The following DMTF1 variants were observed in gnomAD, a reference collection of about 807,000 sequenced individuals.
DMTF1 encodes the protein cyclin-D-binding Myb-like transcription factor 1.
DMTF1 carries 39 observed loss-of-function variants against 91.1 expected under a neutral mutation model. The ratio of observed to expected loss-of-function variants is 0.43; its 90% CI spans 0.33 to 0.56. The LOEUF (loss-of-function observed/expected upper bound fraction) is 0.56, where lower values mean the gene tolerates loss of function less well. Ranked by LOEUF, DMTF1 falls within the 20% of genes least tolerant of loss-of-function variation. The probability of loss-of-function intolerance (pLI) is 0.05; values close to 1 mark genes in which losing one functional copy is unlikely to be tolerated. For synonymous variants in DMTF1, 338 were observed against 309.5 expected (o/e 1.09, Z -0.97); for missense variants, 750 against 914.5 (o/e 0.82, Z 2.32).
rs1210572269 is a variant in DMTF1, at chr7:87,184,429, G to T, written c.853G>T (p.Ala285Ser). 6.2e-7 allele frequency: 1 copy of T among 1,613,798 alleles called. No homozygotes were observed. Among genetic ancestry groups the T allele is most frequent in the African/African-American group, 1.3e-5 (1 of 74,924 alleles). The change falls in exon 11 of 18, where the codon GCA becomes TCA. Residue 285 changes from alanine (A) to serine (S), a missense_variant. Coordinates refer to ENST00000331242, the MANE Select transcript of DMTF1 (RefSeq NM_001142327.2). ...GACAGAAGAAGAAGAAAAGAGACTT[G>T]CAGAAGTGGTTCATGAGTTGACAAG... ...KWTEEEEKRL[A>S]EVVHELTSTE... is the part of the protein sequence containing the mutation.
chr7:87,187,798 C>A, intron 12 of DMTF1: 1 of 390,798 alleles, frequency 2.6e-6, no homozygotes. Context: ...TCAAGACACC[C>A]TAGAATAGAA....
chr7:87,183,471 A>T (rs1486397174), intron 10 of DMTF1, among the ~76,000 whole-genome samples: 3 of 152,350 alleles, frequency 2.0e-5, no homozygotes, highest in South Asian at 2.1e-4. Flanking sequence ...AGGCCATGCC[A>T]TGAAACAGCA....
chr7:87,177,923 A>T (rs912294918), intron 7 of DMTF1, among the ~76,000 whole-genome samples: 2 of 152,080 alleles, frequency 1.3e-5, no homozygotes, highest in Admixed American at 1.3e-4. Flanking sequence ...AAATCCCAAT[A>T]TCTGATGGGG....
intron 14 of DMTF1, chr7:87,192,885 G>T (rs772717930): frequency 4.5e-6 from 1 of 222,920 alleles, no homozygotes; most frequent in Non-Finnish European, 8.9e-6. Flanking sequence ...GTTTTTACGT[G>T]CTACAAAGAA....
chr7:87,193,932 A>G lies in DMTF1; in HGVS notation c.1858A>G (p.Lys620Glu). The G allele has an allele frequency of 6.2e-7, 1 of 1,613,410 alleles. No homozygotes were observed. ...DTFPDEIHHP[K>E]MTVEPSFNDA... ...TTTCCCAGATGAAATTCATCACCCTAAGATGACTGTGGAGCCATCATTTAA... is the reference window on the plus strand; with the variant it reads ...TTTCCCAGATGAAATTCATCACCCTGAGATGACTGTGGAGCCATCATTTAA... Residue 620 changes from lysine to glutamate, a missense_variant, in exon 16 of 18, where the codon AAG (lysine) becomes GAG (glutamate). Around this residue, in one of 3 missense-constraint regions of DMTF1, gnomAD observed 410 missense variants for 420.2 expected, o/e 0.98. Transcript: ENST00000331242.
At chr7:87,160,320 G>C (rs958520984) in intron 1 of DMTF1, among the ~76,000 whole-genome samples, 3 of 150,924 alleles carry the variant, frequency 2.0e-5, no homozygotes, top group Admixed American at 1.3e-4. Context: ...CGTCCTCCAG[G>C]CTGGAGTGCA....
rs767359740 is a variant in DMTF1 at position 87,165,068 on chromosome 7, C to T, written c.109+18C>T. On this transcript the variant is annotated intron_variant, in intron 3 of 17. Transcript: ENST00000331242. ...TCAGAATGGTAGGAGAACTTGCTGA[C>T]ATATAATTCTGACTCTCTGAATTTA... 1.9e-6 allele frequency: 3 copies of T among 1,552,758 alleles called. No homozygotes were observed. Among genetic ancestry groups the T allele is most frequent in the Admixed American group, 3.5e-5 (2 of 57,940 alleles).
intron 14 of DMTF1, among the ~76,000 whole-genome samples, chr7:87,191,547 A>C (rs1562854892): frequency 1.3e-5 from 2 of 152,174 alleles, no homozygotes; most frequent in Non-Finnish European, 2.9e-5. Context: ...TAAACAACCA[A>C]AATGTCTAGC....
chr7:87,185,986 G>A lies in DMTF1; in HGVS notation c.1201+6G>A. 2 of 1,613,372 alleles carry A rather than the reference G, an allele frequency of 1.2e-6. No individual in the cohort carries two copies. The highest frequency in any genetic ancestry group is 1.7e-6 in the Non-Finnish European group (2 of 1,179,672). ...TAAGGATGTTTCGTTCCCTGGTAAT[G>A]TATTACTTACTTTTTAAGCTCCTCC... On this transcript the variant is annotated splice_donor_region_variant and intron_variant, in intron 12 of 17. Transcript: ENST00000331242.
intron 13 of DMTF1, among the ~76,000 whole-genome samples, chr7:87,189,363 A>G (rs373538017): frequency 2.0e-5 from 3 of 152,160 alleles, no homozygotes; most frequent in South Asian, 4.1e-4. Flanking sequence ...GTAATCAACA[A>G]TGAAGGATTT....
At chr7:87,158,131 C>A (rs1025898416) in intron 1 of DMTF1, among the ~76,000 whole-genome samples, 13 of 151,940 alleles carry the variant, frequency 8.6e-5, no homozygotes, top group African/African-American at 3.1e-4. Context: ...AGAAGGTGTT[C>A]TGTATGGTTT....
At chr7:87,179,484 A>G in intron 7 of DMTF1, 61 bp from the exon 8 acceptor site, 4 of 1,351,038 alleles carry the variant, frequency 3.0e-6, no homozygotes, top group South Asian at 2.2e-5. Context: ...TTTTAAAAGC[A>G]TAGTATATCC....
intron 3 of DMTF1, among the ~76,000 whole-genome samples, chr7:87,165,622 A>G (rs1261011881): frequency 6.6e-6 from 1 of 152,216 alleles, no homozygotes; most frequent in African/African-American, 2.4e-5. Context: ...AGTAGCACCT[A>G]CCTATAAAGA....
In DMTF1 at chr7:87,195,150, T is replaced by G; in HGVS notation, c.*10T>G. On this transcript the variant is annotated 3_prime_UTR_variant, in exon 18 of 18. Transcript: ENST00000331242. ...GGTAAACTGTCATTAGAATAATTCT[T>G]AGAAATAGGCAGTTCAAGCAAAGAA... 1 of 1,583,872 alleles carries G rather than the reference T, an allele frequency of 6.3e-7. No individual in the cohort carries two copies. Among genetic ancestry groups the G allele is most frequent in the Non-Finnish European group, 8.7e-7 (1 of 1,153,912 alleles).
At chr7:87,152,622 G>A (rs536947709) in intron 1 of DMTF1, 67 bp downstream of exon 1, 30 of 152,924 alleles carry the variant, frequency 2.0e-4, no homozygotes, top group African/African-American at 7.2e-4. Flanking sequence ...GAGCCTGTCC[G>A]GCCCCCTTGC....
intron 4 of DMTF1, 34 bp from the exon 5 acceptor site, chr7:87,170,961 T>C: frequency 7.2e-7 from 1 of 1,391,030 alleles, no homozygotes; most frequent in Non-Finnish European, 1.0e-6. Context: ...CTTGCCGTTA[T>C]TATTCTGGAG....
intron 4 of DMTF1, among the ~76,000 whole-genome samples, chr7:87,169,871 C>T (rs1794686778): frequency 1.3e-5 from 2 of 152,188 alleles, no homozygotes; most frequent in African/African-American, 4.8e-5. Context: ...GGACTAAGTC[C>T]TTAGACTGCT....
At chr7:87,186,174 C>T in intron 12 of DMTF1, 194 bp downstream of exon 12, 1 of 563,474 alleles carries the variant, frequency 1.8e-6, no homozygotes, top group Non-Finnish European at 3.1e-6. Flanking sequence ...TCCTAAAGCC[C>T]CTAAAATGAA....
rs573877381 is a variant in DMTF1 at position 87,187,898 on chromosome 7, A to G, written c.1202-194A>G. On this transcript the variant is annotated intron_variant, in intron 12 of 17. Coordinates refer to ENST00000331242, the MANE Select transcript of DMTF1 (RefSeq NM_001142327.2). ...AAGAATAACAATATTAAGAATTAAA[A>G]TTTGTTACGATGTTTATAAAAATCT... 4 of 575,580 alleles carry G rather than the reference A, an allele frequency of 6.9e-6. No individual in the cohort carries two copies. The South Asian group carries it at 8.9e-5, about 13-fold the overall frequency. The allele number at this position is 575,580 out of a possible 1,614,324, so 35.7% of individuals were successfully genotyped here. A position where few individuals can be genotyped will look rare whatever the true frequency, so the allele number is the denominator to read the frequency against.
Sources: allele counts gnomAD v4.1 joint callset (sites outside exome capture counted in the v4.1 genomes callset), GRCh38; gene constraint gnomAD v4.1.1; regional missense constraint gnomAD v4.1.1; transcripts MANE v1.5; gene names NCBI Gene and HGNC (gene_info 2026-07-23, HGNC 2026-07-21).